The following TANC2 variants were observed in gnomAD, a reference collection of about 807,000 sequenced individuals.
TANC2 encodes protein TANC2.
Under a neutral mutation model 210.5 loss-of-function variants are expected in TANC2, and 26 were observed. The ratio of observed to expected loss-of-function variants is 0.12; its 90% CI spans 0.09 to 0.17. The LOEUF (loss-of-function observed/expected upper bound fraction) is 0.17. TANC2 is among the 10% of genes least tolerant of loss of function. The pLI is 1.00. For missense variants in TANC2, 2,129 were observed against 2,608.9 expected (o/e 0.82, Z 4.01); for synonymous variants, 931 against 967.1 (o/e 0.96, Z 0.69).
At chr17:63,221,809 A>G (rs1485060676) in intron 7 of TANC2, among the ~76,000 whole-genome samples, 1 of 152,218 alleles carries the variant, frequency 6.6e-6, no homozygotes, top group Non-Finnish European at 1.5e-5. Context: ...TGAGTGTAAA[A>G]TGGTACAGCC....
intron 10 of TANC2, among the ~76,000 whole-genome samples, chr17:63,315,224 T>TA (rs1328410210): frequency 8.5e-5 from 13 of 152,234 alleles, no homozygotes; most frequent in Non-Finnish European, 1.9e-4. Context: ...ACCAGGATCT[T>TA]ACTGATTTAT....
intron 9 of TANC2, among the ~76,000 whole-genome samples, chr17:63,276,639 A>G (rs2043883746): frequency 6.6e-6 from 1 of 152,140 alleles, no homozygotes; most frequent in Non-Finnish European, 1.5e-5. Context: ...GAAGTTATTC[A>G]AAGATTCAAA....
chr17:63,170,527 C>T (rs1381412731), intron 5 of TANC2, among the ~76,000 whole-genome samples: 1 of 152,012 alleles, frequency 6.6e-6, no homozygotes, highest in Middle Eastern at 3.5e-3. Context: ...AAGTCCCTGC[C>T]ATTATTTCCT....
chr17:63,006,758 T>C (rs917320271), intron 1 of TANC2, among the ~76,000 whole-genome samples: 4 of 152,210 alleles, frequency 2.6e-5, no homozygotes, highest in African/African-American at 9.6e-5. Context: ...AGTTATTTAA[T>C]TGTGTAGTTC....
chr17:63,124,546 C>T (rs1291171883), intron 4 of TANC2, among the ~76,000 whole-genome samples: 1 of 152,202 alleles, frequency 6.6e-6, no homozygotes, highest in Non-Finnish European at 1.5e-5. Context: ...AGAGAGGCTA[C>T]ATAAAATCGG....
At chr17:63,034,678 A>G (rs568511388) in intron 2 of TANC2, among the ~76,000 whole-genome samples, 1 of 152,072 alleles carries the variant, frequency 6.6e-6, no homozygotes, top group Non-Finnish European at 1.5e-5. Flanking sequence ...GAAGTTTGGA[A>G]GAAGTTGATT....
intron 5 of TANC2, among the ~76,000 whole-genome samples, chr17:63,169,845 A>C (rs1028760420): frequency 6.6e-6 from 1 of 151,894 alleles, no homozygotes; most frequent in Non-Finnish European, 1.5e-5. Context: ...AATTTTAAAA[A>C]TTTATGGCAG....
intron 8 of TANC2, among the ~76,000 whole-genome samples, chr17:63,262,968 G>A (rs1048319521): frequency 3.9e-5 from 6 of 151,912 alleles, no homozygotes; most frequent in Non-Finnish European, 8.8e-5. Context: ...GTAAAATGTG[G>A]CATCTAACTT....
chr17:63,206,034 A>G (rs773640406), intron 7 of TANC2, among the ~76,000 whole-genome samples: 15 of 152,234 alleles, frequency 9.9e-5, no homozygotes, highest in South Asian at 2.1e-4. Flanking sequence ...CAAAAATGGG[A>G]AAAAGACTTA....
At chr17:63,265,325 C>A in intron 8 of TANC2, among the ~76,000 whole-genome samples, 1 of 152,166 alleles carries the variant, frequency 6.6e-6, no homozygotes, top group South Asian at 2.1e-4. Flanking sequence ...TAAAACACTT[C>A]TAGTCCCAGG....
intron 11 of TANC2, among the ~76,000 whole-genome samples, chr17:63,326,757 C>T (rs2045661922): frequency 6.6e-6 from 1 of 151,590 alleles, no homozygotes; most frequent in Non-Finnish European, 1.5e-5. Flanking sequence ...AAAAAAAAAA[C>T]TTCTAATGTT....
intron 8 of TANC2, among the ~76,000 whole-genome samples, chr17:63,259,052 C>G (rs1480109117): frequency 6.6e-6 from 1 of 152,110 alleles, no homozygotes; most frequent in Non-Finnish European, 1.5e-5. Flanking sequence ...TGAATCCTGC[C>G]AGTACTGGGT....
At chr17:63,014,189 A>G (rs2034005958) in intron 2 of TANC2, among the ~76,000 whole-genome samples, 2 of 152,030 alleles carry the variant, frequency 1.3e-5, no homozygotes, top group Admixed American at 1.3e-4. Flanking sequence ...TTCAATTCCA[A>G]AATTTCTATT....
At chr17:63,157,026 A>G (rs2039864442) in intron 5 of TANC2, among the ~76,000 whole-genome samples, 1 of 151,936 alleles carries the variant, frequency 6.6e-6, no homozygotes, top group Non-Finnish European at 1.5e-5. Context: ...TGTTTTCCTG[A>G]TCTTTAGTTT....
chr17:63,165,163 A>G (rs908960060), intron 5 of TANC2, among the ~76,000 whole-genome samples: 2 of 151,972 alleles, frequency 1.3e-5, no homozygotes, highest in African/African-American at 4.8e-5. Flanking sequence ...AGTCTGAGCT[A>G]CTTGGGAGGC....
At chr17:63,249,363 A>G (rs2146140664) in intron 8 of TANC2, among the ~76,000 whole-genome samples, 1 of 152,192 alleles carries the variant, frequency 6.6e-6, no homozygotes, top group Middle Eastern at 3.4e-3. Flanking sequence ...GAAGTAGAAG[A>G]CTCTTGTGGA....
intron 8 of TANC2, among the ~76,000 whole-genome samples, chr17:63,261,449 C>A (rs980850647): frequency 2.0e-5 from 3 of 152,128 alleles, no homozygotes; most frequent in African/African-American, 7.2e-5. Flanking sequence ...TGAAGGGGAT[C>A]CTGCTCAGCT....
Position 63,314,627 on chromosome 17 carries a change from A to T in TANC2, c.1399A>T (p.Met467Leu), listed in dbSNP as rs1321266433. 6.2e-7 allele frequency: 1 copy of T among 1,614,002 alleles called. No homozygotes were observed. Among genetic ancestry groups the T allele is most frequent in the Admixed American group, 1.7e-5 (1 of 60,018 alleles). Residue 467 changes from methionine to leucine, a missense_variant, in exon 10 of 28, where the codon ATG becomes TTG. Transcript: ENST00000689528. ...GGCCCTCAGCTGCCATGGTACAAGGATGAGACAGATCGCCTCAGACAGCCC... is the reference window on the plus strand; with the variant it reads ...GGCCCTCAGCTGCCATGGTACAAGGTTGAGACAGATCGCCTCAGACAGCCC...
intron 2 of TANC2, among the ~76,000 whole-genome samples, chr17:63,025,852 T>TAAAAA (rs1332809913): frequency 4.0e-5 from 6 of 150,650 alleles, no homozygotes; most frequent in Non-Finnish European, 8.9e-5. Flanking sequence ...TAAAATAAAA[T>TAAAAA]AAAATAAAAA....
Sources: allele counts gnomAD v4.1 joint callset (sites outside exome capture counted in the v4.1 genomes callset), GRCh38; gene constraint gnomAD v4.1.1; transcripts MANE v1.5; gene names NCBI Gene and HGNC (gene_info 2026-07-23, HGNC 2026-07-21).